CRTC3: variants seen among roughly 807,000 people sequenced by gnomAD.
The protein encoded by CRTC3 is CREB-regulated transcription coactivator 3.
Under a neutral mutation model 74.5 loss-of-function variants are expected in CRTC3, and 26 were observed. The observed-to-expected ratio is 0.35, with a 90% CI of 0.26 to 0.48. CRTC3 has a LOEUF of 0.48. CRTC3 is among the 20% of genes least tolerant of loss of function. CRTC3 has a pLI of 0.99. For synonymous variants in CRTC3, 377 were observed against 325.8 expected, an observed-to-expected ratio of 1.16 and a Z score of -1.69; for missense variants, 760 against 787.3, an observed-to-expected ratio of 0.97 and a Z score of 0.41.
intron 3 of CRTC3, among the ~76,000 whole-genome samples, chr15:90,600,081 T>A (rs1404487734): frequency 2.0e-5 from 3 of 152,270 alleles, no homozygotes; most frequent in Non-Finnish European, 4.4e-5. Context: ...CTGTACTTCA[T>A]GTACCTTAAG....
At chr15:90,556,873 ATTGAC>A (rs904969620) in intron 2 of CRTC3, among the ~76,000 whole-genome samples, 1 of 151,306 alleles carries the variant, frequency 6.6e-6, no homozygotes, top group Non-Finnish European at 1.5e-5. Flanking sequence ...AATAGTATGT[ATTGAC>A]TTGTCATTTC....
chr15:90,583,254 A>G (rs1003870828), intron 2 of CRTC3, among the ~76,000 whole-genome samples: 4 of 152,218 alleles, frequency 2.6e-5, no homozygotes, highest in Non-Finnish European at 5.9e-5. Context: ...TTTTATCTCT[A>G]TCATTTTCTG....
chr15:90,547,516 T>C (rs1966846370), intron 2 of CRTC3, among the ~76,000 whole-genome samples: 1 of 152,168 alleles, frequency 6.6e-6, no homozygotes, highest in Non-Finnish European at 1.5e-5. Context: ...TCTAACCCAA[T>C]GAGCCCTTAT....
chr15:90,597,300 G>A (rs2151079591), intron 3 of CRTC3, among the ~76,000 whole-genome samples: 1 of 152,320 alleles, frequency 6.6e-6, no homozygotes, highest in South Asian at 2.1e-4. Flanking sequence ...CTAAACTTCT[G>A]AACTATTAAC....
intron 1 of CRTC3, among the ~76,000 whole-genome samples, chr15:90,536,278 G>A (rs961269011): frequency 6.6e-6 from 1 of 151,952 alleles, no homozygotes; most frequent in South Asian, 2.1e-4. Context: ...GCTCATGCCT[G>A]TAATCCCAGC....
chr15:90,534,299 C>T (rs1966681844), intron 1 of CRTC3, among the ~76,000 whole-genome samples: 1 of 152,082 alleles, frequency 6.6e-6, no homozygotes, highest in African/African-American at 2.4e-5. Context: ...CTGGCAGGAG[C>T]AGGTTTGTGC....
intron 2 of CRTC3, among the ~76,000 whole-genome samples, chr15:90,592,905 C>T (rs1331561215): frequency 6.6e-6 from 1 of 152,152 alleles, no homozygotes; most frequent in Non-Finnish European, 1.5e-5. Context: ...GTAATCCCAG[C>T]ACTTTGGGAG....
intron 6 of CRTC3, among the ~76,000 whole-genome samples, chr15:90,610,122 TA>T (rs1377312934): frequency 6.6e-6 from 1 of 152,256 alleles, no homozygotes. Flanking sequence ...TGGTGGGAGC[TA>T]TTTTAAATAG....
At chr15:90,627,621 C>CT (rs770224809) in intron 10 of CRTC3, among the ~76,000 whole-genome samples, 3,554 of 144,538 alleles carry the variant, frequency 0.025, 126 homozygotes, top group African/African-American at 0.078. Context: ...TCTGTATTTT[C>CT]TTTTTTTTTT....
rs1262125508 is a variant in CRTC3, at chr15:90,593,652, CTGA to C, written c.250_252del (p.Asp84del). ...TCTCTGCAGCCGTCATTTCACCAAG[CTGA>C]TAATGTTCGGGGAACCCGCCATCAC... On this transcript the variant is annotated inframe_deletion, in exon 3 of 15. Coordinates refer to ENST00000268184, the MANE Select transcript of CRTC3 (RefSeq NM_022769.5). The C allele has an allele frequency of 6.2e-7, 1 of 1,609,176 alleles. No individual in the cohort carries two copies. The highest frequency in any genetic ancestry group is 8.5e-7 in the Non-Finnish European group (1 of 1,175,896).
intron 9 of CRTC3, among the ~76,000 whole-genome samples, chr15:90,623,698 TCCC>T (rs1221801415): frequency 6.6e-6 from 1 of 152,006 alleles, no homozygotes; most frequent in Non-Finnish European, 1.5e-5. Flanking sequence ...CTGATACCTC[TCCC>T]CCACCACACT....
At chr15:90,538,833 A>G (rs572874652) in intron 1 of CRTC3, among the ~76,000 whole-genome samples, 1 of 150,744 alleles carries the variant, frequency 6.6e-6, no homozygotes, top group Non-Finnish European at 1.5e-5. Flanking sequence ...GGGACAAAGG[A>G]AAAGAGCATG....
At position 90,644,231 on chromosome 15, in the gene CRTC3, G is replaced by T. The variant is rs545779909; in HGVS notation, c.*2091G>T. On this transcript the variant is annotated 3_prime_UTR_variant, in exon 15 of 15. Coordinates refer to ENST00000268184, the MANE Select transcript of CRTC3 (RefSeq NM_022769.5). ...AAGATCTCAGAGGGGGTGGCTTTTT[G>T]TTAAAGAGCCTTCAGTCGCAATGCT... 2 of 228,662 alleles carry T rather than the reference G, an allele frequency of 8.7e-6. No homozygotes were observed. The highest frequency in any genetic ancestry group is 8.7e-6 in the Non-Finnish European group (1 of 115,324). The allele number at this position is 228,662 out of a possible 1,614,324, so 14.2% of individuals were successfully genotyped here.
chr15:90,564,145 C>T (rs1967073194), intron 2 of CRTC3, among the ~76,000 whole-genome samples: 1 of 152,184 alleles, frequency 6.6e-6, no homozygotes, highest in African/African-American at 2.4e-5. Flanking sequence ...AATGGTAAAG[C>T]CAGATTTGAA....
intron 1 of CRTC3, among the ~76,000 whole-genome samples, chr15:90,535,771 G>A (rs1048780600): frequency 2.0e-5 from 3 of 152,148 alleles, no homozygotes; most frequent in South Asian, 2.1e-4. Flanking sequence ...TTCCTTTTGC[G>A]AGGCACTGTA....
At chr15:90,620,491 AAGAG>A (rs1042031699) in intron 9 of CRTC3, among the ~76,000 whole-genome samples, 1 of 152,172 alleles carries the variant, frequency 6.6e-6, no homozygotes, top group Non-Finnish European at 1.5e-5. Context: ...AGTTGAGTCT[AAGAG>A]AGAACGAGGA....
At chr15:90,587,594 C>T (rs1349288078) in intron 2 of CRTC3, among the ~76,000 whole-genome samples, 1 of 152,054 alleles carries the variant, frequency 6.6e-6, no homozygotes, top group Non-Finnish European at 1.5e-5. Context: ...TTTACAGGTT[C>T]GTTTCTTTCT....
At position 90,608,008 on chromosome 15, in the gene CRTC3, A is replaced by G. The variant is rs575139000; in HGVS notation, c.577+530A>G. ...CCCTGAGTGGCTGGCAGCACTGGCC[A>G]GTGTGGTCCCCTGGGAGGAGGGGTC... On this transcript the variant is annotated intron_variant, in intron 6 of 14. Transcript: ENST00000268184. Among the ~76,000 whole-genome samples, 159 of 151,910 alleles carry G rather than the reference A, an allele frequency of 1.0e-3. 1 individual carries two copies. The highest frequency in any genetic ancestry group is 3.6e-3 in the African/African-American group (151 of 41,500).
At chr15:90,583,304 C>T (rs1370460664) in intron 2 of CRTC3, among the ~76,000 whole-genome samples, 1 of 152,176 alleles carries the variant, frequency 6.6e-6, no homozygotes, top group African/African-American at 2.4e-5. Context: ...AACTTTACTT[C>T]CCTTTTATCT....
Sources: allele counts gnomAD v4.1 joint callset (sites outside exome capture counted in the v4.1 genomes callset), GRCh38; gene constraint gnomAD v4.1.1; transcripts MANE v1.5; gene names NCBI Gene and HGNC (gene_info 2026-07-23, HGNC 2026-07-21).